The following CAB39 variants were observed in gnomAD, a reference collection of about 807,000 sequenced individuals.
The protein encoded by CAB39 is calcium-binding protein 39.
CAB39 carries 8 observed loss-of-function variants against 40.0 expected under a neutral mutation model. The ratio of observed to expected loss-of-function variants is 0.20; its 90% CI spans 0.12 to 0.36. The LOEUF (loss-of-function observed/expected upper bound fraction) is 0.36. Ranked by LOEUF, CAB39 falls within the 10% of genes least tolerant of loss-of-function variation. CAB39 has a pLI of 1.00. For missense variants in CAB39, 270 were observed against 401.1 expected, an observed-to-expected ratio of 0.67 and a Z score of 2.79; for synonymous variants, 156 against 141.6, an observed-to-expected ratio of 1.10 and a Z score of -0.72.
chr2:230,778,919 A>T (rs903698222), intron 2 of CAB39: 28 of 152,114 alleles, frequency 1.8e-4, no homozygotes, highest in Admixed American at 4.6e-4. Flanking sequence ...GTGGGACCAC[A>T]GTTGTCTCTG....
At chr2:230,813,978 C>CTTGTTTTTTTTTTTTTTTTT in intron 6 of CAB39, 71 bp from the exon 7 acceptor site, 1 of 111,338 alleles carries the variant, frequency 9.0e-6, no homozygotes, top group Non-Finnish European at 1.5e-5. Context: ...ACCTACCAGT[C>CTTGTTTTTTTTTTTTTTTTT]TTTTTTTTTT....
chr2:230,732,943 C>T (rs1694720503), intron 1 of CAB39, among the ~76,000 whole-genome samples: 1 of 152,144 alleles, frequency 6.6e-6, no homozygotes, highest in African/African-American at 2.4e-5. Flanking sequence ...AGAGAGACTT[C>T]TTTACGTTAT....
chr2:230,812,562 G>A (rs867081705), intron 6 of CAB39, among the ~76,000 whole-genome samples: 1 of 152,202 alleles, frequency 6.6e-6, no homozygotes, highest in East Asian at 1.9e-4. Context: ...AACTTGAGAT[G>A]TATATATTTT....
chr2:230,781,028 G>C (rs1695677285), intron 2 of CAB39, among the ~76,000 whole-genome samples: 1 of 151,564 alleles, frequency 6.6e-6, no homozygotes, highest in South Asian at 2.1e-4. Flanking sequence ...GCTGCAGTGA[G>C]ACATAATTGC....
intron 2 of CAB39, among the ~76,000 whole-genome samples, chr2:230,773,300 A>G (rs73995143): frequency 0.074 from 7,714 of 104,032 alleles, 606 homozygotes; most frequent in African/African-American, 0.28. Flanking sequence ...GTGTATGTGT[A>G]TATATATATA....
At chr2:230,753,029 A>G (rs910489374) in intron 1 of CAB39, among the ~76,000 whole-genome samples, 1 of 152,208 alleles carries the variant, frequency 6.6e-6, no homozygotes, top group Non-Finnish European at 1.5e-5. Flanking sequence ...CAGAGGGAAT[A>G]TAGGGTGAGG....
intron 2 of CAB39, among the ~76,000 whole-genome samples, chr2:230,778,020 A>G (rs1575940064): frequency 6.6e-6 from 1 of 152,244 alleles, no homozygotes; most frequent in East Asian, 1.9e-4. Context: ...TTTGCCTCTG[A>G]TAAGAAGGAA....
At chr2:230,772,761 A>G (rs1388348056) in intron 2 of CAB39, among the ~76,000 whole-genome samples, 1 of 152,176 alleles carries the variant, frequency 6.6e-6, no homozygotes, top group East Asian at 1.9e-4. Context: ...CTGGGATTAC[A>G]GGCGTGAGAC....
chr2:230,764,642 C>G (rs1289911017), intron 2 of CAB39, among the ~76,000 whole-genome samples: 2 of 152,170 alleles, frequency 1.3e-5, no homozygotes, highest in Admixed American at 1.3e-4. Context: ...TATTCATGAT[C>G]TAGTCAAATT....
chr2:230,730,906 G>A (rs1694677117), intron 1 of CAB39, among the ~76,000 whole-genome samples: 1 of 152,220 alleles, frequency 6.6e-6, no homozygotes, highest in Non-Finnish European at 1.5e-5. Context: ...TATACAAACT[G>A]ATAACTGCCA....
chr2:230,765,761 A>T (rs575913044), intron 2 of CAB39, among the ~76,000 whole-genome samples: 46 of 152,258 alleles, frequency 3.0e-4, no homozygotes, highest in African/African-American at 1.1e-3. Context: ...TAGTTAGTAC[A>T]GGCTAGAGAT....
At chr2:230,785,694 C>T (rs1244952295) in intron 2 of CAB39, among the ~76,000 whole-genome samples, 1 of 151,824 alleles carries the variant, frequency 6.6e-6, no homozygotes, top group Admixed American at 6.6e-5. Flanking sequence ...CAACAAATAG[C>T]TTTCTCTCTC....
chr2:230,783,453 G>GTTTTGTTTTA (rs1559609400), intron 2 of CAB39, among the ~76,000 whole-genome samples: 1 of 136,286 alleles, frequency 7.3e-6, no homozygotes, highest in Non-Finnish European at 1.7e-5. Flanking sequence ...GTTTTGTTTT[G>GTTTTGTTTTA]TTTTGTTTTG....
chr2:230,773,314 A>ATATATATGTGTGTG (rs371297550), intron 2 of CAB39, among the ~76,000 whole-genome samples: 24 of 132,678 alleles, frequency 1.8e-4, no homozygotes, highest in African/African-American at 6.8e-4. Context: ...ATATATATAT[A>ATATATATGTGTGTG]TGTGTGTGTG....
chr2:230,744,231 C>G (rs907791585), intron 1 of CAB39, among the ~76,000 whole-genome samples: 1 of 149,170 alleles, frequency 6.7e-6, no homozygotes, highest in African/African-American at 2.5e-5. Flanking sequence ...ATGATACATT[C>G]TTAACTTCGA....
chr2:230,714,215 C>G (rs893579429), intron 1 of CAB39, among the ~76,000 whole-genome samples: 7 of 152,080 alleles, frequency 4.6e-5, no homozygotes, highest in African/African-American at 1.4e-4. Flanking sequence ...GAGCAGCATT[C>G]TAAGAGAAAC....
At chr2:230,817,525 A>G (rs1268994168) in intron 7 of CAB39, among the ~76,000 whole-genome samples, 1 of 152,080 alleles carries the variant, frequency 6.6e-6, no homozygotes, top group African/African-American at 2.4e-5. Flanking sequence ...CTGCAGAGAG[A>G]AGCGTCAGGC....
At chr2:230,814,343 T>C (rs771157416) in intron 7 of CAB39, among the ~76,000 whole-genome samples, 1 of 152,130 alleles carries the variant, frequency 6.6e-6, no homozygotes, top group Non-Finnish European at 1.5e-5. Flanking sequence ...AACGGGAGTT[T>C]GAAGAAGACT....
intron 1 of CAB39, among the ~76,000 whole-genome samples, chr2:230,740,500 A>G (rs976821097): frequency 3.3e-5 from 5 of 152,206 alleles, no homozygotes; most frequent in African/African-American, 1.2e-4. Flanking sequence ...GCAGACCCCA[A>G]CCTTTTTGGC....
Sources: allele counts gnomAD v4.1 joint callset (sites outside exome capture counted in the v4.1 genomes callset), GRCh38; gene constraint gnomAD v4.1.1; transcripts MANE v1.5; gene names NCBI Gene and HGNC (gene_info 2026-07-23, HGNC 2026-07-21).